Variants in TTC28 observed in about 807,000 individuals in gnomAD.
TTC28 encodes tetratricopeptide repeat domain 28, also known as tetratricopeptide repeat protein 28.
TTC28 carries 61 observed loss-of-function variants against 198.0 expected under a neutral mutation model. That is an observed-to-expected ratio of 0.31 (90% CI 0.25 to 0.38). The LOEUF (loss-of-function observed/expected upper bound fraction) is 0.38, where lower values mean the gene tolerates loss of function less well. Among genes scored for constraint, TTC28 ranks in the 10% least tolerant of loss-of-function variants. The pLI is 1.00. For missense variants in TTC28, 2,678 were observed against 3,164.0 expected (o/e 0.85, Z 3.69); for synonymous variants, 1,171 against 1,297.8 (o/e 0.90, Z 2.10).
At chr22:28,390,342 G>A (rs531668463) in intron 2 of TTC28, among the ~76,000 whole-genome samples, 1 of 152,192 alleles carries the variant, frequency 6.6e-6, no homozygotes, top group Admixed American at 6.5e-5. Context: ...GGAGAGTTCT[G>A]TAGTTGTCTA....
intron 5 of TTC28, among the ~76,000 whole-genome samples, chr22:28,175,086 CCTT>C (rs1923036529): frequency 6.6e-6 from 1 of 150,384 alleles, no homozygotes; most frequent in South Asian, 2.1e-4. Flanking sequence ...AGACTAGACT[CCTT>C]CTCTCACCAT....
At chr22:28,329,922 G>A (rs1474909609) in intron 2 of TTC28, among the ~76,000 whole-genome samples, 1 of 152,138 alleles carries the variant, frequency 6.6e-6, no homozygotes, top group African/African-American at 2.4e-5. Context: ...CTGACAATTT[G>A]CACTTATTTT....
At chr22:28,325,820 CAAAT>C (rs1384401241) in intron 2 of TTC28, among the ~76,000 whole-genome samples, 1 of 151,866 alleles carries the variant, frequency 6.6e-6, no homozygotes, top group African/African-American at 2.4e-5. Context: ...GAATAGCAAA[CAAAT>C]AAAAAAGGAA....
Position 28,163,527 on chromosome 22 carries a change from T to C in TTC28, c.1006A>G (p.Ser336Gly). The change falls in exon 6 of 23, where the codon AGT becomes GGT. Residue 336 changes from serine to glycine, a missense_variant. Transcript: ENST00000397906. Reference protein sequence around the residue: ...AIGDYPNALASHKQCVLLAKQ... With the variant: ...AIGDYPNALAGHKQCVLLAKQ... ...GCAAGAAGAACACACTGTTTGTGAC[T>C]GGCCAGTGCATTGGGGTAGTCTCCA... 7 of 1,551,760 alleles carry C rather than the reference T, an allele frequency of 4.5e-6. No individual in the cohort carries two copies. Among genetic ancestry groups the C allele is most frequent in the Non-Finnish European group, 5.2e-6 (6 of 1,146,996 alleles).
chr22:28,472,576 G>A (rs563119206), intron 2 of TTC28, among the ~76,000 whole-genome samples: 1 of 151,708 alleles, frequency 6.6e-6, no homozygotes, highest in Admixed American at 6.6e-5. Flanking sequence ...GTGTGTGTGT[G>A]TGTGTGTGTG....
At chr22:28,211,584 A>G (rs1442462463) in intron 5 of TTC28, among the ~76,000 whole-genome samples, 1 of 152,184 alleles carries the variant, frequency 6.6e-6, no homozygotes, top group African/African-American at 2.4e-5. Context: ...AGACCTAACT[A>G]TCCTAAATAT....
intron 2 of TTC28, among the ~76,000 whole-genome samples, chr22:28,619,112 A>G (rs908024264): frequency 4.6e-5 from 7 of 152,232 alleles, no homozygotes; most frequent in Non-Finnish European, 1.0e-4. Flanking sequence ...TATAAAGGAA[A>G]GAAAAATGCT....
chr22:28,371,615 GAC>G (rs1298026147), intron 2 of TTC28, among the ~76,000 whole-genome samples: 1 of 1,150 alleles, frequency 8.7e-4, no homozygotes, highest in East Asian at 0.083. Flanking sequence ...TTTTTTTTGA[GAC>G]AGAGTCTCAC....
intron 2 of TTC28, among the ~76,000 whole-genome samples, chr22:28,378,814 C>A (rs1422807606): frequency 6.6e-6 from 1 of 151,876 alleles, no homozygotes; most frequent in African/African-American, 2.4e-5. Context: ...GTTCAAGCAG[C>A]CGAATATACA....
At chr22:28,014,111 G>T in intron 14 of TTC28, 137 bp downstream of exon 14, 1 of 1,098,794 alleles carries the variant, frequency 9.1e-7, no homozygotes, top group Non-Finnish European at 1.3e-6. Context: ...AAGCTGGACA[G>T]AGCGGACTTG....
chr22:27,991,257 T>G (rs41281593), intron 19 of TTC28, among the ~76,000 whole-genome samples: 8 of 152,178 alleles, frequency 5.3e-5, no homozygotes, highest in Non-Finnish European at 1.0e-4. Flanking sequence ...AGCAAGAAAT[T>G]AAGCAACTGG....
At chr22:28,016,195 C>T (rs936582510) in intron 13 of TTC28, among the ~76,000 whole-genome samples, 1 of 152,148 alleles carries the variant, frequency 6.6e-6, no homozygotes, top group East Asian at 1.9e-4. Context: ...ACTCTGGAAA[C>T]GTGTAATTAC....
Position 28,296,345 on chromosome 22 carries a change from A to C in TTC28, c.803-17T>G. The C allele has an allele frequency of 6.8e-7, 1 of 1,472,750 alleles. No homozygotes were observed. Among genetic ancestry groups the C allele is most frequent in the African/African-American group, 1.4e-5 (1 of 69,542 alleles). The allele number at this position is 1,472,750 out of a possible 1,614,324, so 91.2% of individuals were successfully genotyped here. Reference sequence around the variant, plus strand: ...TCTGGTCACCTGGATTGAATTGAGAAAAAAAAAAAGAAAAAATTTCTCTAA... The same window carrying C: ...TCTGGTCACCTGGATTGAATTGAGACAAAAAAAAAGAAAAAATTTCTCTAA... On this transcript the variant is annotated splice_polypyrimidine_tract_variant and intron_variant, in intron 4 of 22. Transcript: ENST00000397906.
At chr22:28,169,707 T>G (rs1922451367) in intron 5 of TTC28, among the ~76,000 whole-genome samples, 1 of 151,972 alleles carries the variant, frequency 6.6e-6, no homozygotes, top group African/African-American at 2.4e-5. Flanking sequence ...CATTGGGAGA[T>G]ATACCTAATG....
At chr22:28,222,998 G>A (rs1460329840) in intron 5 of TTC28, among the ~76,000 whole-genome samples, 2 of 152,208 alleles carry the variant, frequency 1.3e-5, no homozygotes, top group South Asian at 2.1e-4. Context: ...CATTAGGTAT[G>A]CTGACAAAAA....
intron 2 of TTC28, among the ~76,000 whole-genome samples, chr22:28,531,000 C>T (rs189126128): frequency 3.3e-5 from 5 of 152,166 alleles, no homozygotes; most frequent in Non-Finnish European, 7.3e-5. Flanking sequence ...ACTGCATCAA[C>T]TAATGAGCAA....
chr22:28,483,759 G>A (rs1238879404), intron 2 of TTC28, among the ~76,000 whole-genome samples: 1 of 152,096 alleles, frequency 6.6e-6, no homozygotes, highest in Admixed American at 6.5e-5. Context: ...CCAAAAGAAC[G>A]TAACCAGCAA....
intron 5 of TTC28, among the ~76,000 whole-genome samples, chr22:28,256,641 G>C (rs533510518): frequency 1.3e-5 from 2 of 152,186 alleles, no homozygotes; most frequent in South Asian, 2.1e-4. Flanking sequence ...AAAGAACAAG[G>C]CTGGAGATAT....
chr22:28,264,342 C>G (rs573009960), intron 5 of TTC28, among the ~76,000 whole-genome samples: 2 of 152,268 alleles, frequency 1.3e-5, no homozygotes, highest in Admixed American at 6.5e-5. Context: ...CCATGTGGAA[C>G]TGTGAGTCCA....
Sources: gnomAD v4.1 joint callset for allele counts (sites outside exome capture counted in the v4.1 genomes callset) on GRCh38, gnomAD v4.1.1 for gene constraint, MANE v1.5 for transcripts, NCBI Gene and HGNC (gene_info 2026-07-23, HGNC 2026-07-21) for gene names.